Variants in BORCS8 observed in about 807,000 individuals in gnomAD.
The protein encoded by BORCS8 is BLOC-1 related complex subunit 8, also known as BLOC-1-related complex subunit 8.
In BORCS8, 13 loss-of-function variants were observed where a neutral mutation model predicts 18.7. The ratio of observed to expected loss-of-function variants is 0.70; its 90% CI spans 0.45 to 1.11. The LOEUF (loss-of-function observed/expected upper bound fraction) is 1.11, where lower values mean the gene tolerates loss of function less well. Ranked by LOEUF, BORCS8 falls within the 50% of genes least tolerant of loss-of-function variation. The pLI is 0.00. For missense variants in BORCS8, 165 were observed against 165.7 expected, an observed-to-expected ratio of 1.00 and a Z score of 0.02; for synonymous variants, 68 against 64.8, an observed-to-expected ratio of 1.05 and a Z score of -0.24.
intron 5 of BORCS8, chr19:19,180,472 G>A: frequency 1.7e-6 from 1 of 593,064 alleles, no homozygotes; most frequent in East Asian, 2.9e-5. Flanking sequence ...GGTGGAGAGA[G>A]AGTGGGAGAG....
Position 19,185,404 on chromosome 19 carries a change from G to A in BORCS8, c.215+630C>T, listed in dbSNP as rs564017077. On this transcript the variant is annotated intron_variant, in intron 3 of 5. Transcript: ENST00000462790. ...GGGGTCAGTAACAAAAAGAAACACC[G>A]GCCAGGCGTGGTGGCTCGCATCTGT... Among the ~76,000 whole-genome samples, 24 of 152,308 alleles carry A rather than the reference G, an allele frequency of 1.6e-4. 1 individual carries two copies. The highest frequency in any genetic ancestry group is 6.8e-3 in the Middle Eastern group (2 of 294).
intron 5 of BORCS8, chr19:19,178,491 T>G (rs1442248440): frequency 6.6e-6 from 1 of 152,486 alleles, no homozygotes. Flanking sequence ...ATCCTGGCAT[T>G]TCTGGGCGTG....
chr19:19,189,223 C>T (rs2060442177), intron 1 of BORCS8, among the ~76,000 whole-genome samples: 1 of 152,096 alleles, frequency 6.6e-6, no homozygotes, highest in Non-Finnish European at 1.5e-5. Context: ...CTTTCCTGTC[C>T]CATTCTTGGG....
intron 1 of BORCS8, among the ~76,000 whole-genome samples, chr19:19,189,603 C>T (rs983442614): frequency 2.6e-5 from 4 of 152,128 alleles, no homozygotes; most frequent in African/African-American, 9.7e-5. Flanking sequence ...CCCGAGAGGA[C>T]AAGGTAGGAG....
intron 3 of BORCS8, among the ~76,000 whole-genome samples, chr19:19,184,272 C>G (rs1206102092): frequency 6.6e-6 from 1 of 150,550 alleles, no homozygotes; most frequent in African/African-American, 2.4e-5. Context: ...CAGAAGAAAG[C>G]ATAGGTTTTT....
At chr19:19,180,600 C>T (rs1158163347) in intron 5 of BORCS8, 86 bp downstream of exon 5, 2 of 938,004 alleles carry the variant, frequency 2.1e-6, no homozygotes, top group Non-Finnish European at 3.4e-6. Context: ...AGTGGTTAGA[C>T]AAGCAGGTGC....
At chr19:19,180,126 G>A (rs1412210108) in intron 5 of BORCS8, 3 of 159,122 alleles carry the variant, frequency 1.9e-5, no homozygotes, top group African/African-American at 7.2e-5. Context: ...GCTGTGTTAT[G>A]CAGCAATAGC....
intron 1 of BORCS8, among the ~76,000 whole-genome samples, chr19:19,190,101 C>T (rs185204893): frequency 2.6e-5 from 4 of 152,258 alleles, no homozygotes; most frequent in Admixed American, 1.3e-4. Flanking sequence ...GCAAGACCCT[C>T]CCTGACTACC....
intron 4 of BORCS8, among the ~76,000 whole-genome samples, chr19:19,181,501 C>T (rs141668083): frequency 2.1e-4 from 32 of 152,254 alleles, no homozygotes; most frequent in African/African-American, 7.0e-4. Context: ...GAGTGTGTTG[C>T]GTTTTTGAAA....
chr19:19,180,511 G>A, intron 5 of BORCS8, 175 bp downstream of exon 5: 1 of 625,176 alleles, frequency 1.6e-6, no homozygotes, highest in Non-Finnish European at 2.9e-6. Context: ...TGAGCAGCAG[G>A]GTGGAACATT....
chr19:19,179,096 G>A (rs1160512870), intron 5 of BORCS8: 1 of 153,296 alleles, frequency 6.5e-6, no homozygotes, highest in East Asian at 1.9e-4. Context: ...CAGCAGCGGA[G>A]GGGACAGCAG....
At chr19:19,185,948 T>G in intron 3 of BORCS8, 86 bp downstream of exon 3, 1 of 1,368,054 alleles carries the variant, frequency 7.3e-7, no homozygotes. Context: ...TGGGGCTTAC[T>G]GGGCAGTTGG....
In BORCS8 at chr19:19,182,739, C is replaced by A. The variant is rs2060361563; in HGVS notation, c.216-56G>T. 1 of 1,499,462 alleles carries A rather than the reference C, an allele frequency of 6.7e-7. No homozygotes were observed. Among genetic ancestry groups the A allele is most frequent in the Non-Finnish European group, 8.9e-7 (1 of 1,119,626 alleles). The allele number at this position is 1,499,462 out of a possible 1,614,324, so 92.9% of individuals were successfully genotyped here. A position where few individuals can be genotyped will look rare whatever the true frequency, so the allele number is the denominator to read the frequency against. ...TCCGGACCTGCAGGTAACTGTCCCACACCCCAGCACTTGAGGTCACCACCA... is the reference window on the plus strand; with the variant it reads ...TCCGGACCTGCAGGTAACTGTCCCAAACCCCAGCACTTGAGGTCACCACCA... On this transcript the variant is annotated intron_variant, in intron 3 of 5. Coordinates refer to ENST00000462790, the MANE Select transcript of BORCS8 (RefSeq NM_001145784.2). The surrounding 1 kb of genome is among the most constrained non-coding windows in gnomAD (Gnocchi z 4.1).
intron 5 of BORCS8, chr19:19,180,407 T>G: frequency 1.8e-5 from 9 of 486,638 alleles, no homozygotes; most frequent in Admixed American, 7.4e-5. Context: ...TCTTGGGGGG[T>G]GGAAATCTCT....
intron 1 of BORCS8, among the ~76,000 whole-genome samples, chr19:19,189,073 G>C (rs1038089633): frequency 3.3e-5 from 5 of 152,102 alleles, no homozygotes; most frequent in Non-Finnish European, 7.3e-5. Flanking sequence ...GACCTCAAGT[G>C]ATCTGCCCAC....
At chr19:19,181,197 A>T (rs1394038595) in intron 4 of BORCS8, among the ~76,000 whole-genome samples, 1 of 145,826 alleles carries the variant, frequency 6.9e-6, no homozygotes, top group Non-Finnish European at 1.5e-5. Flanking sequence ...TCTGTCTTGA[A>T]AAAAAAAAAA....
intron 4 of BORCS8, chr19:19,181,982 T>C (rs2060353533): frequency 2.0e-6 from 2 of 985,488 alleles, no homozygotes; most frequent in Non-Finnish European, 2.4e-6. Context: ...TGAGTGCTTT[T>C]CGTTTTCAGA....
In BORCS8 at chr19:19,186,951, G is replaced by A; in HGVS notation, c.92C>T (p.Ala31Val). 2 of 1,551,362 alleles carry A rather than the reference G, an allele frequency of 1.3e-6. No homozygotes were observed. Among genetic ancestry groups the A allele is most frequent in the South Asian group, 1.2e-5 (1 of 84,054 alleles). ...CACATGCTCCTGCAGCCGGTACAGG[G>A]CCACGGATGGCTCGTTGGCCAGGAC... ...VYVLANEPSVALYRLQEHVRR... is the reference protein window; with the variant it reads ...VYVLANEPSVVLYRLQEHVRR... The change falls in exon 2 of 6, where the codon GCC (alanine) becomes GTC (valine). Residue 31 changes from alanine to valine, a missense_variant. Ala to Val is a moderately conservative substitution (Grantham distance 64, BLOSUM62 0). Transcript: ENST00000462790.
At chr19:19,180,336 C>T (rs753263209) in intron 5 of BORCS8, 3 of 318,750 alleles carry the variant, frequency 9.4e-6, no homozygotes, top group Non-Finnish European at 1.8e-5. Context: ...AGAGACTGTG[C>T]ACGGGTAAAG....
Sources: allele counts gnomAD v4.1 joint callset (sites outside exome capture counted in the v4.1 genomes callset), GRCh38; gene constraint gnomAD v4.1.1; non-coding constraint Gnocchi (gnomAD v3.1); transcripts MANE v1.5; gene names NCBI Gene and HGNC (gene_info 2026-07-23, HGNC 2026-07-21).